Variants in NUBPL observed in about 807,000 individuals in gnomAD.
The protein encoded by NUBPL is iron-sulfur cluster transfer protein NUBPL.
A neutral mutation model predicts 45.7 loss-of-function variants in NUBPL; 31 were observed. That is an observed-to-expected ratio of 0.68 (90% confidence interval 0.51 to 0.92). The LOEUF is 0.92. Among genes scored for constraint, NUBPL ranks in the 40% least tolerant of loss-of-function variants. NUBPL has a pLI of 0.00. For missense variants in NUBPL, 401 were observed against 398.7 expected (o/e 1.01, Z -0.05); for synonymous variants, 144 against 140.9 (o/e 1.02, Z -0.15).
At chr14:31,752,725 G>A (rs1431937530) in intron 6 of NUBPL, among the ~76,000 whole-genome samples, 3 of 152,146 alleles carry the variant, frequency 2.0e-5, no homozygotes, top group African/African-American at 7.2e-5. Flanking sequence ...TATCTTTATA[G>A]CAGTACCCCA....
intron 6 of NUBPL, among the ~76,000 whole-genome samples, chr14:31,726,853 C>G (rs566113410): frequency 6.6e-6 from 1 of 151,488 alleles, no homozygotes; most frequent in African/African-American, 2.4e-5. Context: ...GTGGCACTAT[C>G]AATGTTTTGA....
chr14:31,604,647 A>G (rs2034534701), intron 4 of NUBPL, among the ~76,000 whole-genome samples: 2 of 152,164 alleles, frequency 1.3e-5, no homozygotes, highest in African/African-American at 4.8e-5. Context: ...TCATTTTAAA[A>G]TGATATGTTA....
chr14:31,760,345 G>A (rs2038779886), intron 6 of NUBPL, among the ~76,000 whole-genome samples: 1 of 151,628 alleles, frequency 6.6e-6, no homozygotes, highest in African/African-American at 2.4e-5. Flanking sequence ...ATAGAGATGG[G>A]GTTTTGCTGC....
intron 6 of NUBPL, among the ~76,000 whole-genome samples, chr14:31,738,943 A>G (rs1427581277): frequency 6.6e-6 from 1 of 151,952 alleles, no homozygotes; most frequent in Non-Finnish European, 1.5e-5. Context: ...GGCTTGAAGA[A>G]TATGTCTATT....
intron 6 of NUBPL, among the ~76,000 whole-genome samples, chr14:31,674,087 GA>G (rs903160698): frequency 2.6e-5 from 4 of 152,172 alleles, no homozygotes; most frequent in African/African-American, 7.2e-5. Flanking sequence ...CTTAAGAAAA[GA>G]AGAGAACATT....
rs12100474 is a variant in NUBPL, at chr14:31,748,841, G to C, written c.514-38939G>C. Among the ~76,000 whole-genome samples, 14 of 152,164 alleles carry C rather than the reference G, an allele frequency of 9.2e-5. 1 individual carries two copies. Among genetic ancestry groups the C allele is most frequent in the Admixed American group, 9.2e-4 (14 of 15,288 alleles). ...ATGGCCAGGCTGGTCTTGAACTCTT[G>C]ACCTCAGGTGATCTACCCACCTGGG... is the stretch of plus-strand genomic sequence containing the variant. On this transcript the variant is annotated intron_variant, in intron 6 of 10. Coordinates refer to ENST00000281081, the MANE Select transcript of NUBPL (RefSeq NM_025152.3).
intron 6 of NUBPL, among the ~76,000 whole-genome samples, chr14:31,726,150 A>T (rs1195902203): frequency 7.9e-5 from 12 of 152,246 alleles, no homozygotes; most frequent in African/African-American, 1.9e-4. Context: ...AAGAAAATTT[A>T]TGTAGCAATT....
At chr14:31,850,976 G>A (rs1304534832) in intron 10 of NUBPL, among the ~76,000 whole-genome samples, 1 of 152,070 alleles carries the variant, frequency 6.6e-6, no homozygotes, top group Non-Finnish European at 1.5e-5. Flanking sequence ...GGGAAGGTGA[G>A]GTGAAAAGAC....
chr14:31,630,237 G>T (rs2035307106), intron 4 of NUBPL, among the ~76,000 whole-genome samples: 1 of 152,138 alleles, frequency 6.6e-6, no homozygotes, highest in African/African-American at 2.4e-5. Flanking sequence ...GTAAAATCCT[G>T]ATTGTAACCT....
chr14:31,642,821 T>G (rs1044766927), intron 4 of NUBPL, among the ~76,000 whole-genome samples: 2 of 152,166 alleles, frequency 1.3e-5, no homozygotes, highest in African/African-American at 4.8e-5. Flanking sequence ...AATGTCCTCT[T>G]CAGTTTCTTT....
chr14:31,681,232 C>G (rs1004985916), intron 6 of NUBPL, among the ~76,000 whole-genome samples: 9 of 151,794 alleles, frequency 5.9e-5, no homozygotes, highest in African/African-American at 2.2e-4. Flanking sequence ...TTTTTGATGA[C>G]TAATTCTATT....
chr14:31,817,205 C>A (rs1429984211), intron 7 of NUBPL, among the ~76,000 whole-genome samples: 1 of 152,104 alleles, frequency 6.6e-6, no homozygotes, highest in South Asian at 2.1e-4. Context: ...CATTGGTGTA[C>A]CTGAAAGTGA....
At chr14:31,849,130 G>T (rs1218434188) in intron 9 of NUBPL, among the ~76,000 whole-genome samples, 1 of 152,178 alleles carries the variant, frequency 6.6e-6, no homozygotes. Context: ...AGAGGATCAT[G>T]AAATAACATT....
intron 6 of NUBPL, among the ~76,000 whole-genome samples, chr14:31,738,668 C>T (rs1466654041): frequency 6.6e-6 from 1 of 152,108 alleles, no homozygotes; most frequent in East Asian, 1.9e-4. Flanking sequence ...CTGGTAGCAA[C>T]TACTGTGTTT....
At chr14:31,666,246 T>TGTAG (rs2036412382) in intron 4 of NUBPL, among the ~76,000 whole-genome samples, 4 of 32,696 alleles carry the variant, frequency 1.2e-4, no homozygotes, top group Non-Finnish European at 1.1e-4. Context: ...TATATATATA[T>TGTAG]ATATATATAT....
chr14:31,732,371 A>T (rs1323118442), intron 6 of NUBPL, among the ~76,000 whole-genome samples: 1 of 151,820 alleles, frequency 6.6e-6, no homozygotes, highest in African/African-American at 2.4e-5. Flanking sequence ...TTTTAAAAAC[A>T]CTTTTTTAAT....
chr14:31,837,410 T>A (rs1283043692), intron 8 of NUBPL, among the ~76,000 whole-genome samples: 1 of 152,096 alleles, frequency 6.6e-6, no homozygotes, highest in African/African-American at 2.4e-5. Context: ...AAAGATTAGG[T>A]AGGAGAACTA....
rs1289759585 is a variant in NUBPL, at chr14:31,722,001, C to CT, written c.513+48435dup. Among the ~76,000 whole-genome samples, 12 of 151,888 alleles carry CT rather than the reference C, an allele frequency of 7.9e-5. No individual in the cohort carries two copies. The South Asian group carries it at 2.3e-3, about 29-fold the overall frequency. ...CCATGGTGTATATGTACCACATTTTCTTTTTTTTCTTTTGAGACAGAGTCT... is the reference window on the plus strand; with the variant it reads ...CCATGGTGTATATGTACCACATTTTCTTTTTTTTTCTTTTGAGACAGAGTCT... On this transcript the variant is annotated intron_variant, in intron 6 of 10. Transcript: ENST00000281081.
intron 8 of NUBPL, among the ~76,000 whole-genome samples, chr14:31,843,172 C>G (rs887913819): frequency 6.6e-6 from 1 of 152,178 alleles, no homozygotes; most frequent in Non-Finnish European, 1.5e-5. Context: ...GTCATCAGGA[C>G]AGAGGGAAAA....
Sources: gnomAD v4.1 joint callset for allele counts (sites outside exome capture counted in the v4.1 genomes callset) on GRCh38, gnomAD v4.1.1 for gene constraint, MANE v1.5 for transcripts, NCBI Gene and HGNC (gene_info 2026-07-23, HGNC 2026-07-21) for gene names.